SORCS2: variants seen among roughly 807,000 people sequenced by gnomAD.
The protein encoded by SORCS2 is sortilin related VPS10 domain containing receptor 2.
Under a neutral mutation model 141.6 loss-of-function variants are expected in SORCS2, and 100 were observed. The ratio of observed to expected loss-of-function variants is 0.71; its 90% CI spans 0.60 to 0.83. The LOEUF is 0.83. SORCS2 is among the 40% of genes least tolerant of loss of function. SORCS2 has a pLI of 0.00. For synonymous variants in SORCS2, 789 were observed against 676.9 expected, an observed-to-expected ratio of 1.17 and a Z score of -2.57; for missense variants, 1,646 against 1,560.2, an observed-to-expected ratio of 1.05 and a Z score of -0.93.
chr4:7,208,799 G>C (rs771314517), intron 1 of SORCS2, among the ~76,000 whole-genome samples: 3 of 152,224 alleles, frequency 2.0e-5, no homozygotes, highest in Non-Finnish European at 4.4e-5. Flanking sequence ...CCTCTGCCCC[G>C]GGCCCTGGTC....
At chr4:7,565,829 ATGATGATGG>A (rs748194989) in intron 3 of SORCS2, among the ~76,000 whole-genome samples, 5 of 72,960 alleles carry the variant, frequency 6.9e-5, no homozygotes, top group African/African-American at 1.3e-4. Context: ...GGCAATGGTG[ATGATGATGG>A]TGATGGTGAT....
At chr4:7,642,528 C>T (rs573640250) in intron 4 of SORCS2, among the ~76,000 whole-genome samples, 1 of 152,246 alleles carries the variant, frequency 6.6e-6, no homozygotes, top group African/African-American at 2.4e-5. Context: ...GACAAGAGGG[C>T]TTTAGTTTTT....
In SORCS2 at chr4:7,741,572, C is replaced by T. The variant is rs1019950816; in HGVS notation, c.*1308C>T. 7.7e-5 allele frequency: 19 copies of T among 245,854 alleles called. No homozygotes were observed. Among genetic ancestry groups the T allele is most frequent in the Non-Finnish European group, 1.2e-4 (15 of 129,136 alleles). 15.2% of individuals were successfully genotyped at this position (245,854 alleles called of 1,614,324 possible). On this transcript the variant is annotated 3_prime_UTR_variant, in exon 27 of 27. Coordinates refer to ENST00000507866, the MANE Select transcript of SORCS2 (RefSeq NM_020777.3). Reference sequence around the variant, plus strand: ...TGGCCTCCCTCTCAGAGGGGGAGAACGCCAGAGCCCTGGCTGGTGATGTGC... The same window carrying T: ...TGGCCTCCCTCTCAGAGGGGGAGAATGCCAGAGCCCTGGCTGGTGATGTGC...
chr4:7,550,329 C>G (rs771647355), intron 3 of SORCS2, among the ~76,000 whole-genome samples: 2 of 152,144 alleles, frequency 1.3e-5, no homozygotes, highest in Non-Finnish European at 2.9e-5. Context: ...CTGTTTGCTC[C>G]CGCTGGGGGC....
chr4:7,227,319 G>A (rs993783835), intron 1 of SORCS2, among the ~76,000 whole-genome samples: 5 of 152,172 alleles, frequency 3.3e-5, no homozygotes, highest in Admixed American at 6.5e-5. Flanking sequence ...GCTTATCACC[G>A]CTGGCCCTGG....
At chr4:7,516,991 C>T (rs1482937451) in intron 2 of SORCS2, among the ~76,000 whole-genome samples, 1 of 152,202 alleles carries the variant, frequency 6.6e-6, no homozygotes, top group Non-Finnish European at 1.5e-5. Context: ...ATGTGCTAGT[C>T]CTCCGGCTGG....
In SORCS2 at chr4:7,649,127, C is replaced by T. The variant is rs56113006; in HGVS notation, c.814-5007C>T. The stretch of plus-strand genomic sequence containing the variant: ...AGCAGGGGCAGGGCCTCTGAGCCAG[C>T]GGCCTTAGCAAAGGCCTGACCCGGG... On this transcript the variant is annotated intron_variant, in intron 4 of 26. Coordinates refer to ENST00000507866, the MANE Select transcript of SORCS2 (RefSeq NM_020777.3). 1.5e-3 allele frequency among the ~76,000 whole-genome samples: 232 copies of T among 152,272 alleles called. 1 individual carries two copies. Among genetic ancestry groups the T allele is most frequent in the Non-Finnish European group, 2.0e-3 (138 of 68,014 alleles).
chr4:7,505,924 G>C (rs921414952), intron 2 of SORCS2, among the ~76,000 whole-genome samples: 1 of 152,198 alleles, frequency 6.6e-6, no homozygotes, highest in Admixed American at 6.5e-5. Context: ...GACGTGCCAA[G>C]CCCCTAGTCT....
chr4:7,392,671 G>C (rs924326769), intron 1 of SORCS2, among the ~76,000 whole-genome samples: 1 of 152,020 alleles, frequency 6.6e-6, no homozygotes, highest in Non-Finnish European at 1.5e-5. Flanking sequence ...GGCTGGTCCT[G>C]GGTGGTAGTG....
chr4:7,243,192 C>A (rs1712832182), intron 1 of SORCS2, among the ~76,000 whole-genome samples: 2 of 152,212 alleles, frequency 1.3e-5, no homozygotes, highest in South Asian at 4.1e-4. Flanking sequence ...ATGTTCTGGT[C>A]TCGCCAGCAT....
At chr4:7,507,363 C>T (rs1732333684) in intron 2 of SORCS2, among the ~76,000 whole-genome samples, 1 of 152,060 alleles carries the variant, frequency 6.6e-6, no homozygotes, top group Non-Finnish European at 1.5e-5. Context: ...TTAGTAGAGA[C>T]AGGGTTTCAC....
At chr4:7,680,152 C>G (rs1723427508) in intron 9 of SORCS2, among the ~76,000 whole-genome samples, 1 of 152,218 alleles carries the variant, frequency 6.6e-6, no homozygotes, top group African/African-American at 2.4e-5. Context: ...CCCTTCAGCT[C>G]CAGACCACAC....
chr4:7,680,708 G>A (rs1219665747), intron 9 of SORCS2, among the ~76,000 whole-genome samples: 2 of 152,262 alleles, frequency 1.3e-5, no homozygotes, highest in Non-Finnish European at 2.9e-5. Context: ...TGCTCGCAGT[G>A]TGATCCCCTT....
intron 2 of SORCS2, among the ~76,000 whole-genome samples, chr4:7,409,258 C>A (rs1725157939): frequency 6.6e-6 from 1 of 152,188 alleles, no homozygotes; most frequent in South Asian, 2.1e-4. Context: ...TAAGTGGTGC[C>A]TTAAGCCCAG....
chr4:7,676,003 A>C, intron 8 of SORCS2, 47 bp from the exon 9 acceptor site: 1 of 1,544,558 alleles, frequency 6.5e-7, no homozygotes. Flanking sequence ...TCCCTCGTGC[A>C]GCCCCCAGCC....
intron 3 of SORCS2, among the ~76,000 whole-genome samples, chr4:7,582,711 A>C (rs1201368042): frequency 2.0e-5 from 3 of 152,250 alleles, no homozygotes; most frequent in African/African-American, 7.2e-5. Flanking sequence ...CCCCTGAGAC[A>C]TAATCAGTGT....
At chr4:7,469,838 T>C (rs1729861003) in intron 2 of SORCS2, among the ~76,000 whole-genome samples, 1 of 152,204 alleles carries the variant, frequency 6.6e-6, no homozygotes, top group African/African-American at 2.4e-5. Flanking sequence ...CTGCCTGGCA[T>C]CTCATGGGGA....
chr4:7,368,046 A>T (rs1293555303), intron 1 of SORCS2, among the ~76,000 whole-genome samples: 3 of 152,184 alleles, frequency 2.0e-5, no homozygotes, highest in Non-Finnish European at 4.4e-5. Flanking sequence ...TTTAAATACC[A>T]TAAGCTCCTT....
At chr4:7,403,904 G>A (rs35427927) in intron 2 of SORCS2, among the ~76,000 whole-genome samples, 22,452 of 140,286 alleles carry the variant, frequency 0.16, 2,028 homozygotes, top group Non-Finnish European at 0.18. Context: ...CCACCCCCCC[G>A]TACCCCATCA....
Sources: gnomAD v4.1 joint callset for allele counts (sites outside exome capture counted in the v4.1 genomes callset) on GRCh38, gnomAD v4.1.1 for gene constraint, MANE v1.5 for transcripts, NCBI Gene and HGNC (gene_info 2026-07-23, HGNC 2026-07-21) for gene names.